Variants in AKAP13 observed in about 807,000 individuals in gnomAD.
The protein encoded by AKAP13 is A-kinase anchor protein 13.
In AKAP13, 80 loss-of-function variants were observed where a neutral mutation model predicts 264.5. That is an observed-to-expected ratio of 0.30 (90% CI 0.25 to 0.36). The LOEUF (loss-of-function observed/expected upper bound fraction) is 0.36, where lower values mean the gene tolerates loss of function less well. Ranked by LOEUF, AKAP13 falls within the 10% of genes least tolerant of loss-of-function variation. The pLI, the probability that AKAP13 is intolerant of heterozygous loss-of-function variation, is 1.00. For synonymous variants in AKAP13, 1,380 were observed against 1,250.2 expected (o/e 1.10, Z -2.19); for missense variants, 3,712 against 3,435.2 (o/e 1.08, Z -2.01).
chr15:85,449,563 A>G (rs755961375), intron 1 of AKAP13, among the ~76,000 whole-genome samples: 6 of 152,192 alleles, frequency 3.9e-5, no homozygotes, highest in Non-Finnish European at 7.3e-5. Flanking sequence ...TGGATTTGTC[A>G]TAGGTGGCTC....
At chr15:85,520,870 G>T (rs370332507) in intron 2 of AKAP13, among the ~76,000 whole-genome samples, 1 of 152,376 alleles carries the variant, frequency 6.6e-6, no homozygotes, top group East Asian at 1.9e-4. Flanking sequence ...GTTGTAGCCT[G>T]CTGTGCACTT....
chr15:85,462,010 C>T (rs1490008226), intron 1 of AKAP13, among the ~76,000 whole-genome samples: 3 of 152,130 alleles, frequency 2.0e-5, no homozygotes, highest in Non-Finnish European at 4.4e-5. Context: ...ACTTATCCTG[C>T]CTTAATTTGC....
chr15:85,550,808 T>G (rs943050407), intron 5 of AKAP13, among the ~76,000 whole-genome samples: 7 of 152,228 alleles, frequency 4.6e-5, no homozygotes, highest in African/African-American at 1.7e-4. Flanking sequence ...TCTGACTTCC[T>G]TTGTCATTGT....
At chr15:85,532,151 G>C (rs564888092) in intron 3 of AKAP13, among the ~76,000 whole-genome samples, 5 of 152,186 alleles carry the variant, frequency 3.3e-5, no homozygotes, top group African/African-American at 1.2e-4. Flanking sequence ...CGTGTGCTAG[G>C]TACTTGCTTG....
chr15:85,708,108 A>T lies in AKAP13; in HGVS notation c.5532+22A>T. 1 of 1,612,238 alleles carries T rather than the reference A, an allele frequency of 6.2e-7. No individual in the cohort carries two copies. Among genetic ancestry groups the T allele is most frequent in the Non-Finnish European group, 8.5e-7 (1 of 1,178,900 alleles). On this transcript the variant is annotated intron_variant, in intron 18 of 36. Transcript: ENST00000394518. This position sits in a 1 kb window ranked among gnomAD's most constrained non-coding sequence, Gnocchi z 4.3. The stretch of plus-strand genomic sequence containing the variant: ...GAAGGTAAGACTTTCTGGCTAAAAC[A>T]AGGCTTAAAATAAAAGGGTTTAAAC...
At chr15:85,504,790 C>G (rs1374335124) in intron 2 of AKAP13, among the ~76,000 whole-genome samples, 2 of 151,736 alleles carry the variant, frequency 1.3e-5, no homozygotes, top group Non-Finnish European at 1.5e-5. Context: ...AAGTATTGAC[C>G]TAATTAATAA....
rs769649197 is a variant in AKAP13, at chr15:85,581,536, T to C, written c.3468T>C (p.Asp1156=). The change falls in exon 7 of 37, where the codon GAT becomes GAC. Residue 1156 remains aspartate (D), a synonymous_variant. Coordinates refer to ENST00000394518, the MANE Select transcript of AKAP13 (RefSeq NM_007200.5). ...GVGTPEMIPL[D]WEKGKLEGAD... ...GAACCCCAGAGATGATACCTCTTGATTGGGAGAAAGGGAAGCTGGAGGGAG... is the reference window on the plus strand; with the variant it reads ...GAACCCCAGAGATGATACCTCTTGACTGGGAGAAAGGGAAGCTGGAGGGAG... The C allele has an allele frequency of 1.5e-5, 24 of 1,613,846 alleles. No individual in the cohort carries two copies. Among genetic ancestry groups the C allele is most frequent in the Admixed American group, 1.3e-4 (8 of 60,000 alleles).
At chr15:85,510,853 G>A (rs2076392281) in intron 2 of AKAP13, among the ~76,000 whole-genome samples, 1 of 152,150 alleles carries the variant, frequency 6.6e-6, no homozygotes, top group Non-Finnish European at 1.5e-5. Flanking sequence ...ATTTGAAATG[G>A]GAAACAAGTA....
intron 1 of AKAP13, among the ~76,000 whole-genome samples, chr15:85,406,472 A>G (rs1390086981): frequency 6.8e-6 from 1 of 146,666 alleles, no homozygotes; most frequent in African/African-American, 2.7e-5. Context: ...TATTTTATAT[A>G]CCATATTGCT....
intron 2 of AKAP13, among the ~76,000 whole-genome samples, chr15:85,496,247 C>T (rs1486950279): frequency 6.6e-6 from 1 of 152,152 alleles, no homozygotes; most frequent in East Asian, 1.9e-4. Flanking sequence ...AGCGTATCCA[C>T]TGGACTTGCA....
chr15:85,715,853 A>G lies in AKAP13; in HGVS notation c.5665A>G (p.Ile1889Val), dbSNP rs749645684. Residue 1889 changes from isoleucine (I) to valine (V), a missense_variant, in exon 20 of 37, where the codon ATA becomes GTA. By Grantham distance (29) the Ile-to-Val change is conservative (BLOSUM62 3). Transcript: ENST00000394518. ...LLVDETATTP[I>V]FANRRSQQSV... ...GGTGGATGAAACCGCTACCACCCCAATATTTGCCAATAGACGATCCCAGCA... is the reference window on the plus strand; with the variant it reads ...GGTGGATGAAACCGCTACCACCCCAGTATTTGCCAATAGACGATCCCAGCA... 5.6e-6 allele frequency: 9 copies of G among 1,613,406 alleles called. No individual in the cohort carries two copies. The highest frequency in any genetic ancestry group is 3.3e-5 in the South Asian group (3 of 91,036).
chr15:85,416,300 T>G (rs2072241302), intron 1 of AKAP13, among the ~76,000 whole-genome samples: 1 of 152,204 alleles, frequency 6.6e-6, no homozygotes, highest in South Asian at 2.1e-4. Context: ...TTCAGTACTT[T>G]CTTGGGAGTG....
intron 17 of AKAP13, among the ~76,000 whole-genome samples, chr15:85,696,099 C>T (rs193233401): frequency 1.4e-3 from 216 of 152,310 alleles, no homozygotes; most frequent in African/African-American, 4.6e-3. Flanking sequence ...TCCAAGAGCT[C>T]ATTCTAAAAA....
intron 8 of AKAP13, among the ~76,000 whole-genome samples, chr15:85,605,309 A>C (rs958128039): frequency 1.3e-5 from 2 of 152,230 alleles, no homozygotes; most frequent in African/African-American, 4.8e-5. Flanking sequence ...ACACTTAGAA[A>C]GGGTCTTTTG....
chr15:85,667,814 C>G (rs2083685841), intron 13 of AKAP13, among the ~76,000 whole-genome samples: 2 of 152,078 alleles, frequency 1.3e-5, no homozygotes, highest in Admixed American at 6.5e-5. Context: ...ATTTAATTTT[C>G]TTAATATTAT....
At chr15:85,505,094 C>A (rs147503055) in intron 2 of AKAP13, among the ~76,000 whole-genome samples, 1 of 152,212 alleles carries the variant, frequency 6.6e-6, no homozygotes, top group South Asian at 2.1e-4. Flanking sequence ...TACACTCTTA[C>A]AATTTTTCAA....
chr15:85,396,508 G>A (rs1411690852), intron 1 of AKAP13, among the ~76,000 whole-genome samples: 6 of 152,116 alleles, frequency 3.9e-5, no homozygotes, highest in Non-Finnish European at 8.8e-5. Context: ...AAAAAGCTTT[G>A]TTTTGATATA....
At chr15:85,434,864 A>G (rs1334548616) in intron 1 of AKAP13, among the ~76,000 whole-genome samples, 3 of 148,614 alleles carry the variant, frequency 2.0e-5, no homozygotes, top group Admixed American at 6.7e-5. Flanking sequence ...AACCACAAAG[A>G]TGGGGAAAAA....
intron 5 of AKAP13, among the ~76,000 whole-genome samples, chr15:85,559,586 G>A (rs1443545988): frequency 6.6e-6 from 1 of 152,284 alleles, no homozygotes; most frequent in Non-Finnish European, 1.5e-5. Context: ...TCCCATCAGG[G>A]GGTGATGGGA....
Sources: allele counts gnomAD v4.1 joint callset (sites outside exome capture counted in the v4.1 genomes callset), GRCh38; gene constraint gnomAD v4.1.1; non-coding constraint Gnocchi (gnomAD v3.1); transcripts MANE v1.5; gene names NCBI Gene and HGNC (gene_info 2026-07-23, HGNC 2026-07-21).